C1GALT1: variants seen among roughly 807,000 people sequenced by gnomAD.
C1GALT1 encodes glycoprotein-N-acetylgalactosamine 3-beta-galactosyltransferase 1.
C1GALT1 carries 11 observed loss-of-function variants against 31.0 expected under a neutral mutation model. That is an observed-to-expected ratio of 0.36 (90% CI 0.22 to 0.59). C1GALT1 has a LOEUF of 0.59. Ranked by LOEUF, C1GALT1 falls within the 20% of genes least tolerant of loss-of-function variation. The probability of loss-of-function intolerance (pLI) is 0.79; values close to 1 mark genes in which losing one functional copy is unlikely to be tolerated. For missense variants in C1GALT1, 424 were observed against 425.2 expected (o/e 1.00, Z 0.03); for synonymous variants, 175 against 143.6 (o/e 1.22, Z -1.56).
chr7:7,220,709 A>G (rs1274350153), intron 1 of C1GALT1, among the ~76,000 whole-genome samples: 1 of 152,026 alleles, frequency 6.6e-6, no homozygotes, highest in Non-Finnish European at 1.5e-5. Context: ...TTTAGTAGAG[A>G]TGGGGTTTCA....
At chr7:7,188,971 A>T (rs1284844597) in intron 1 of C1GALT1, among the ~76,000 whole-genome samples, 1 of 152,174 alleles carries the variant, frequency 6.6e-6, no homozygotes, top group Non-Finnish European at 1.5e-5. Context: ...AGAGATGGTA[A>T]AGAAAATTTA....
chr7:7,158,471 T>G (rs1029714395), intron 2 of C1GALT1, among the ~76,000 whole-genome samples: 1 of 152,146 alleles, frequency 6.6e-6, no homozygotes, highest in African/African-American at 2.4e-5. Context: ...TTGATCTCTC[T>G]GAGTCTTAAT....
At chr7:7,205,830 A>C (rs1270661709) in intron 1 of C1GALT1, among the ~76,000 whole-genome samples, 1 of 152,120 alleles carries the variant, frequency 6.6e-6, no homozygotes, top group African/African-American at 2.4e-5. Context: ...AGTAGACAGC[A>C]TGTAGTTGGA....
At chr7:7,242,877 A>G (rs1237862850) in intron 3 of C1GALT1, among the ~76,000 whole-genome samples, 2 of 152,122 alleles carry the variant, frequency 1.3e-5, no homozygotes, top group Non-Finnish European at 2.9e-5. Context: ...AGCAAAGGGT[A>G]ATTTACACAC....
chr7:7,208,543 A>AAAAAGG (rs1781852862), intron 1 of C1GALT1, among the ~76,000 whole-genome samples: 1 of 152,218 alleles, frequency 6.6e-6, no homozygotes, highest in African/African-American at 2.4e-5. Context: ...GCTCCTAAAA[A>AAAAAGG]AAAAGGAAAA....
At position 7,214,430 on chromosome 7, in the gene C1GALT1, G is replaced by A. The variant is rs552371538; in HGVS notation, c.-17-19873G>A. 6.6e-5 allele frequency among the ~76,000 whole-genome samples: 10 copies of A among 152,192 alleles called. No individual in the cohort carries two copies. The South Asian group carries it at 1.9e-3, about 28-fold the overall frequency. On this transcript the variant is annotated intron_variant, in intron 1 of 3. Coordinates refer to ENST00000436587, the MANE Select transcript of C1GALT1 (RefSeq NM_020156.5). Reference sequence around the variant, plus strand: ...TTTCCAGAAAAACAAGATCCAAGAAGAGAAAAACATAAAAGCCTTTTAAGT... The same window carrying A: ...TTTCCAGAAAAACAAGATCCAAGAAAAGAAAAACATAAAAGCCTTTTAAGT...
At chr7:7,226,509 T>TA (rs1311950859) in intron 1 of C1GALT1, among the ~76,000 whole-genome samples, 2 of 151,808 alleles carry the variant, frequency 1.3e-5, no homozygotes, top group Non-Finnish European at 2.9e-5. Flanking sequence ...ACTGGTGGAG[T>TA]GGCTGAAAAC....
chr7:7,232,151 C>T (rs1426235060), intron 1 of C1GALT1, among the ~76,000 whole-genome samples: 2 of 152,168 alleles, frequency 1.3e-5, no homozygotes, highest in African/African-American at 2.4e-5. Context: ...TTCCTTCTTC[C>T]AGATTTTGGC....
intron 2 of C1GALT1, among the ~76,000 whole-genome samples, chr7:7,171,755 A>G (rs1780456260): frequency 6.6e-6 from 1 of 151,868 alleles, no homozygotes. Flanking sequence ...TATCTTTTAG[A>G]TATTTTCTTT....
At chr7:7,210,800 C>A (rs1781967472) in intron 1 of C1GALT1, among the ~76,000 whole-genome samples, 1 of 152,146 alleles carries the variant, frequency 6.6e-6, no homozygotes. Context: ...TTGGGTGGAC[C>A]CAGTTTCTAA....
At chr7:7,237,302 T>A (rs1783407760) in intron 2 of C1GALT1, among the ~76,000 whole-genome samples, 1 of 152,194 alleles carries the variant, frequency 6.6e-6, no homozygotes. Flanking sequence ...CAAAATGCGG[T>A]CCTGGCCTGA....
chr7:7,212,747 G>A (rs1463152650), intron 1 of C1GALT1, among the ~76,000 whole-genome samples: 1 of 152,098 alleles, frequency 6.6e-6, no homozygotes, highest in Non-Finnish European at 1.5e-5. Context: ...CAAGGGCGGG[G>A]AGGAATGTTT....
chr7:7,167,943 T>C (rs890188384), intron 2 of C1GALT1, among the ~76,000 whole-genome samples: 1 of 152,214 alleles, frequency 6.6e-6, no homozygotes, highest in African/African-American at 2.4e-5. Flanking sequence ...CTCCATTTTT[T>C]TCAAGGTTTT....
Position 7,183,527 on chromosome 7 carries a change from A to G in C1GALT1, c.-18+707A>G, listed in dbSNP as rs1255384962. 5.1e-6 allele frequency: 5 copies of G among 978,928 alleles called. No homozygotes were observed. In the South Asian group the frequency reaches 2.4e-4, roughly 46 times the overall value. The allele number at this position is 978,928 out of a possible 1,614,324, so 60.6% of individuals were successfully genotyped here. A position where few individuals can be genotyped will look rare whatever the true frequency, so the allele number is the denominator to read the frequency against. ...TTTTTTTTTTTTGCTTCTGCACCCC[A>G]TTTTTCCCCAACAAATTGTGATGGA... On this transcript the variant is annotated intron_variant, in intron 1 of 3. Coordinates refer to ENST00000436587, the MANE Select transcript of C1GALT1 (RefSeq NM_020156.5).
intron 1 of C1GALT1, among the ~76,000 whole-genome samples, chr7:7,196,781 T>C (rs1014502254): frequency 1.3e-5 from 2 of 152,190 alleles, no homozygotes; most frequent in African/African-American, 4.8e-5. Flanking sequence ...TGGTATCTTA[T>C]TGTGGTTTTG....
chr7:7,209,937 C>T (rs190859847), intron 1 of C1GALT1, among the ~76,000 whole-genome samples: 119 of 151,982 alleles, frequency 7.8e-4, no homozygotes, highest in African/African-American at 2.7e-3. Flanking sequence ...TGTTCTCTGG[C>T]GGGCAGGGGC....
intron 1 of C1GALT1, among the ~76,000 whole-genome samples, chr7:7,215,796 A>C (rs1782208819): frequency 1.3e-5 from 2 of 152,082 alleles, no homozygotes; most frequent in African/African-American, 2.4e-5. Flanking sequence ...GTTAGCAGCA[A>C]CATAACATCC....
intron 2 of C1GALT1, among the ~76,000 whole-genome samples, chr7:7,237,317 T>C (rs1440187148): frequency 6.6e-6 from 1 of 152,182 alleles, no homozygotes; most frequent in Non-Finnish European, 1.5e-5. Context: ...GCCTGACACT[T>C]TGTCAGCTGT....
chr7:7,210,892 A>G (rs1583787104), intron 1 of C1GALT1, among the ~76,000 whole-genome samples: 1 of 152,300 alleles, frequency 6.6e-6, no homozygotes, highest in East Asian at 1.9e-4. Context: ...GAGATGCTTT[A>G]AAAAATGAAA....
Sources: allele counts gnomAD v4.1 joint callset (sites outside exome capture counted in the v4.1 genomes callset), GRCh38; gene constraint gnomAD v4.1.1; transcripts MANE v1.5; gene names NCBI Gene and HGNC (gene_info 2026-07-23, HGNC 2026-07-21).